Variants in MEI1 observed in about 807,000 individuals in gnomAD.
MEI1 encodes meiosis inhibitor protein 1.
MEI1 carries 103 observed loss-of-function variants against 146.2 expected under a neutral mutation model. The ratio of observed to expected loss-of-function variants is 0.70; its 90% confidence interval spans 0.60 to 0.83. MEI1 has a LOEUF of 0.83. MEI1 is among the 40% of genes least tolerant of loss of function. The probability of loss-of-function intolerance (pLI) is 0.00; values close to 1 mark genes in which losing one functional copy is unlikely to be tolerated. For synonymous variants in MEI1, 652 were observed against 628.2 expected (o/e 1.04, Z -0.57); for missense variants, 1,529 against 1,533.0 (o/e 1.00, Z 0.04).
Position 41,784,783 on chromosome 22 carries a change from G to C in MEI1, c.3345G>C (p.Gln1115His). Residue 1115 changes from glutamine (Q) to histidine (H), a missense_variant and splice_region_variant, in exon 26 of 31, where the codon CAG (glutamine) becomes CAC (histidine). Around this residue, in one of 3 missense-constraint regions of MEI1, gnomAD observed 313 missense variants for 337.3 expected, o/e 0.93. Transcript: ENST00000401548. The stretch of plus-strand genomic sequence containing the variant: ...TTGGGCTGCAGAACCTCCTGGTGCA[G>C]GTAAGGCCCTTGCTGAGTGGGGCTT... ...LVIGLQNLLV[Q>H]KDPLLSQACV... The C allele has an allele frequency of 6.2e-7, 1 of 1,601,446 alleles. No homozygotes were observed. The highest frequency in any genetic ancestry group is 8.5e-7 in the Non-Finnish European group (1 of 1,172,690).
chr22:41,793,981 T>C, intron 27 of MEI1, 71 bp downstream of exon 27: 1 of 1,362,534 alleles, frequency 7.3e-7, no homozygotes, highest in Non-Finnish European at 1.0e-6. Context: ...TCCACCCTCC[T>C]GCTCCAGCCT....
chr22:41,772,943 C>T (rs548432401), intron 20 of MEI1, among the ~76,000 whole-genome samples: 1 of 152,294 alleles, frequency 6.6e-6, no homozygotes, highest in African/African-American at 2.4e-5. Flanking sequence ...TCCCAAATTC[C>T]CTTTCTCAGC....
Position 41,703,205 on chromosome 22 carries a change from T to C in MEI1, c.175-126T>C, listed in dbSNP as rs1029713933. 3.0e-6 allele frequency: 3 copies of C among 1,012,048 alleles called. No homozygotes were observed. In the Admixed American group the frequency reaches 6.3e-5, roughly 21 times the overall value. The allele number at this position is 1,012,048 out of a possible 1,614,324, so 62.7% of individuals were successfully genotyped here. On this transcript the variant is annotated intron_variant, in intron 1 of 30. Coordinates refer to ENST00000401548, the MANE Select transcript of MEI1 (RefSeq NM_152513.4). ...TTTTCCAACCTCCCTTGAAGGAGTA[T>C]GGATCTCACCGTAGTTTAAATGATC...
At chr22:41,737,046 C>G (rs1238803256) in intron 11 of MEI1, among the ~76,000 whole-genome samples, 3 of 152,188 alleles carry the variant, frequency 2.0e-5, no homozygotes, top group Admixed American at 6.5e-5. Context: ...TTCCTCTGAT[C>G]TGCTTTCTGT....
At chr22:41,784,241 T>G in intron 24 of MEI1, 98 bp from the exon 25 acceptor site, 3 of 1,009,728 alleles carry the variant, frequency 3.0e-6, no homozygotes, top group Non-Finnish European at 4.5e-6. Context: ...ATGCAGTGGA[T>G]ATGTGGGGGG....
intron 20 of MEI1, among the ~76,000 whole-genome samples, chr22:41,775,067 C>T (rs73163320): frequency 0.016 from 2,477 of 152,288 alleles, 47 homozygotes; most frequent in Admixed American, 0.059. Flanking sequence ...TTAGCCTGTC[C>T]AAAGGAATTG....
rs2073258210 is a variant in MEI1, at chr22:41,746,043, C to T, written c.1680+17C>T. 1.3e-6 allele frequency: 2 copies of T among 1,565,984 alleles called. No homozygotes were observed. Among genetic ancestry groups the T allele is most frequent in the African/African-American group, 1.4e-5 (1 of 73,948 alleles). On this transcript the variant is annotated intron_variant, in intron 14 of 30. Coordinates refer to ENST00000401548, the MANE Select transcript of MEI1 (RefSeq NM_152513.4). The stretch of plus-strand genomic sequence containing the variant: ...ATGGTGATGGTGGGTTCTCCTGAGC[C>T]ACGGGCAACATGAAGCTTGGGGAAG...
chr22:41,763,124 A>G (rs2074610558), intron 18 of MEI1, 50 bp from the exon 19 acceptor site: 3 of 1,600,462 alleles, frequency 1.9e-6, no homozygotes, highest in African/African-American at 2.7e-5. Flanking sequence ...AGAAGAGCCC[A>G]GTGGCCTGCC....
chr22:41,788,849 T>C lies in MEI1; in HGVS notation c.3345+4066T>C, dbSNP rs532561131. On this transcript the variant is annotated intron_variant, in intron 26 of 30. Coordinates refer to ENST00000401548, the MANE Select transcript of MEI1 (RefSeq NM_152513.4). ...CTCTGCCTCTGGCAACTGTTTATTT[T>C]TATTTTTGAGATAGGGTCTTGCTGT... Among the ~76,000 whole-genome samples, 6 of 152,286 alleles carry C rather than the reference T, an allele frequency of 3.9e-5. No individual in the cohort carries two copies. The East Asian group carries it at 1.2e-3, about 29-fold the overall frequency.
intron 13 of MEI1, 77 bp downstream of exon 13, chr22:41,745,141 T>G: frequency 6.9e-6 from 7 of 1,009,010 alleles, no homozygotes; most frequent in Non-Finnish European, 9.8e-6. Flanking sequence ...GGTGAAGTTC[T>G]AGAGGCAACA....
intron 26 of MEI1, among the ~76,000 whole-genome samples, chr22:41,789,777 G>C (rs2148220718): frequency 6.6e-6 from 1 of 152,296 alleles, no homozygotes; most frequent in Admixed American, 6.5e-5. Flanking sequence ...AACAGTCCCT[G>C]GGAAGGGGAA....
intron 11 of MEI1, among the ~76,000 whole-genome samples, chr22:41,739,271 A>G (rs1183062882): frequency 6.6e-6 from 1 of 152,166 alleles, no homozygotes; most frequent in Non-Finnish European, 1.5e-5. Flanking sequence ...TGTCTTCTCT[A>G]CATGTCCTTG....
intron 18 of MEI1, among the ~76,000 whole-genome samples, chr22:41,761,536 G>A (rs550610936): frequency 6.6e-6 from 1 of 152,012 alleles, no homozygotes; most frequent in African/African-American, 2.4e-5. Context: ...GGATGGTCTG[G>A]ATCTCCTGAC....
intron 3 of MEI1, among the ~76,000 whole-genome samples, chr22:41,712,058 C>A (rs1003723240): frequency 4.6e-5 from 7 of 150,780 alleles, no homozygotes; most frequent in African/African-American, 1.7e-4. Flanking sequence ...AAAAAATTAG[C>A]CAGGCGTGGG....
intron 19 of MEI1, among the ~76,000 whole-genome samples, chr22:41,763,578 G>A (rs928116683): frequency 3.3e-5 from 5 of 151,814 alleles, no homozygotes; most frequent in African/African-American, 7.3e-5. Flanking sequence ...GGCTGGGCAC[G>A]GTGGCTCACG....
At chr22:41,747,727 C>G (rs1480841012) in intron 14 of MEI1, among the ~76,000 whole-genome samples, 1 of 147,900 alleles carries the variant, frequency 6.8e-6, no homozygotes, top group Non-Finnish European at 1.5e-5. Context: ...AACCCCACCC[C>G]CACCCCCCCA....
At chr22:41,737,486 G>T (rs947736049) in intron 11 of MEI1, among the ~76,000 whole-genome samples, 1 of 151,936 alleles carries the variant, frequency 6.6e-6, no homozygotes, top group Non-Finnish European at 1.5e-5. Context: ...TGATCTGCCT[G>T]CCTCGGCCTT....
chr22:41,703,295 G>C, intron 1 of MEI1, 36 bp from the exon 2 acceptor site: 3 of 1,602,694 alleles, frequency 1.9e-6, no homozygotes, highest in South Asian at 1.1e-5. Context: ...GCCAAAATTT[G>C]GTTGCTATTG....
At chr22:41,730,864 G>A (rs1201799987) in intron 9 of MEI1, among the ~76,000 whole-genome samples, 1 of 152,104 alleles carries the variant, frequency 6.6e-6, no homozygotes, top group Non-Finnish European at 1.5e-5. Context: ...GCTTCAGCAA[G>A]GGAAGGACAC....
Sources: allele counts gnomAD v4.1 joint callset (sites outside exome capture counted in the v4.1 genomes callset), GRCh38; gene constraint gnomAD v4.1.1; regional missense constraint gnomAD v4.1.1; transcripts MANE v1.5; gene names NCBI Gene and HGNC (gene_info 2026-07-23, HGNC 2026-07-21).